Variants in FNBP1L observed in about 807,000 individuals in gnomAD.
FNBP1L encodes the protein formin binding protein 1 like, also known as formin-binding protein 1-like.
In FNBP1L, 36 loss-of-function variants were observed where a neutral mutation model predicts 91.2. That is an observed-to-expected ratio of 0.39 (90% CI 0.30 to 0.52). The LOEUF is 0.52. Among genes scored for constraint, FNBP1L ranks in the 20% least tolerant of loss-of-function variants. The pLI, the probability that FNBP1L is intolerant of heterozygous loss-of-function variation, is 0.66. For synonymous variants in FNBP1L, 242 were observed against 237.0 expected (o/e 1.02, Z -0.19); for missense variants, 571 against 732.1 (o/e 0.78, Z 2.54).
In FNBP1L at chr1:93,552,194, C is replaced by A. The variant is rs1028651170; in HGVS notation, c.1811-215C>A. On this transcript the variant is annotated intron_variant, in intron 16 of 16. Coordinates refer to ENST00000271234, the MANE Select transcript of FNBP1L (RefSeq NM_001164473.3). Reference sequence around the variant, plus strand: ...GGATTGTGCAGTGCTGGTTGTGTGACCACACCCTGAGTCAGTGGTGTGGGG... The same window carrying A: ...GGATTGTGCAGTGCTGGTTGTGTGAACACACCCTGAGTCAGTGGTGTGGGG... 10 of 1,340,336 alleles carry A rather than the reference C, an allele frequency of 7.5e-6. No homozygotes were observed. The African/African-American group carries it at 1.3e-4, about 18-fold the overall frequency. The allele number at this position is 1,340,336 out of a possible 1,614,324, so 83.0% of individuals were successfully genotyped here.
At chr1:93,479,134 C>T (rs917503063) in intron 1 of FNBP1L, among the ~76,000 whole-genome samples, 7 of 152,124 alleles carry the variant, frequency 4.6e-5, no homozygotes, top group African/African-American at 9.7e-5. Flanking sequence ...ACAGCTGGGC[C>T]GCTGGGGGTG....
intron 2 of FNBP1L, among the ~76,000 whole-genome samples, chr1:93,518,262 T>G (rs998567387): frequency 3.9e-5 from 6 of 152,212 alleles, no homozygotes; most frequent in Non-Finnish European, 5.9e-5. Context: ...AACGGCATTC[T>G]AGAGCTCAGT....
chr1:93,449,915 A>C (rs1234101806), intron 1 of FNBP1L, among the ~76,000 whole-genome samples: 2 of 152,108 alleles, frequency 1.3e-5, no homozygotes, highest in Admixed American at 6.5e-5. Flanking sequence ...TATTTTTTTC[A>C]TGCCTACCAG....
At chr1:93,449,703 T>G (rs72721009) in intron 1 of FNBP1L, among the ~76,000 whole-genome samples, 10,248 of 152,228 alleles carry the variant, frequency 0.067, 398 homozygotes, top group South Asian at 0.12. Flanking sequence ...TTCATTCCGT[T>G]TCTTAGATAG....
At chr1:93,479,901 T>C (rs1028410927) in intron 1 of FNBP1L, among the ~76,000 whole-genome samples, 1 of 152,144 alleles carries the variant, frequency 6.6e-6, no homozygotes, top group Admixed American at 6.6e-5. Flanking sequence ...ATCCTCAGCT[T>C]ACGAAGATAA....
chr1:93,551,958 A>G (rs1672428894), intron 16 of FNBP1L: 1 of 987,948 alleles, frequency 1.0e-6, no homozygotes, highest in Non-Finnish European at 1.2e-6. Context: ...AGAAAAATAC[A>G]CATTTGAAGA....
intron 14 of FNBP1L, 29 bp from the exon 15 acceptor site, chr1:93,549,249 T>G (rs911855579): frequency 1.7e-5 from 27 of 1,577,730 alleles, no homozygotes; most frequent in Non-Finnish European, 2.3e-5. Context: ...TTTATGATAC[T>G]TGATCAGAGA....
At chr1:93,491,087 G>A (rs1023421523) in intron 1 of FNBP1L, among the ~76,000 whole-genome samples, 2 of 151,836 alleles carry the variant, frequency 1.3e-5, no homozygotes, top group African/African-American at 4.8e-5. Flanking sequence ...TTACAGGCAT[G>A]GGCCATGATG....
chr1:93,541,198 G>A, intron 11 of FNBP1L, 142 bp downstream of exon 11: 1 of 716,042 alleles, frequency 1.4e-6, no homozygotes, highest in East Asian at 2.7e-5. Flanking sequence ...TCATAGTCCA[G>A]CATATGCCAG....
intron 15 of FNBP1L, 50 bp downstream of exon 15, chr1:93,549,476 G>T (rs551153838): frequency 3.6e-6 from 5 of 1,387,624 alleles, no homozygotes; most frequent in African/African-American, 2.9e-5. Flanking sequence ...TTCTTTAAAA[G>T]TATTTACATC....
intron 11 of FNBP1L, among the ~76,000 whole-genome samples, chr1:93,543,068 A>G (rs1672104837): frequency 6.6e-6 from 1 of 152,170 alleles, no homozygotes; most frequent in African/African-American, 2.4e-5. Flanking sequence ...TGTTGGGATT[A>G]CAGGCGTGAG....
chr1:93,455,155 C>T (rs994502966), intron 1 of FNBP1L, among the ~76,000 whole-genome samples: 1 of 152,152 alleles, frequency 6.6e-6, no homozygotes, highest in African/African-American at 2.4e-5. Flanking sequence ...GTCTCGATCT[C>T]CTGACCTCGT....
At chr1:93,518,653 T>C (rs1269819286) in intron 2 of FNBP1L, among the ~76,000 whole-genome samples, 3 of 152,174 alleles carry the variant, frequency 2.0e-5, no homozygotes, top group Non-Finnish European at 4.4e-5. Flanking sequence ...TAGAGGTACC[T>C]GGGGCAGATG....
chr1:93,545,504 A>G (rs1194317728), intron 12 of FNBP1L, among the ~76,000 whole-genome samples: 1 of 152,170 alleles, frequency 6.6e-6, no homozygotes, highest in Non-Finnish European at 1.5e-5. Flanking sequence ...TATGTGGAAC[A>G]TAATAATAGA....
intron 1 of FNBP1L, among the ~76,000 whole-genome samples, chr1:93,492,958 A>G (rs1053704381): frequency 6.6e-6 from 1 of 152,212 alleles, no homozygotes; most frequent in African/African-American, 2.4e-5. Flanking sequence ...ATATAATCAT[A>G]TGGATTAGAG....
At chr1:93,518,007 A>G (rs1280111926) in intron 2 of FNBP1L, among the ~76,000 whole-genome samples, 1 of 152,302 alleles carries the variant, frequency 6.6e-6, no homozygotes, top group East Asian at 1.9e-4. Context: ...AAGATTGGCA[A>G]GTAATACATG....
At chr1:93,469,526 T>C (rs1669211094) in intron 1 of FNBP1L, among the ~76,000 whole-genome samples, 1 of 152,182 alleles carries the variant, frequency 6.6e-6, no homozygotes, top group African/African-American at 2.4e-5. Context: ...TTTGTTATTG[T>C]GAATAGTGCC....
chr1:93,529,094 G>C (rs1455493810), intron 5 of FNBP1L, among the ~76,000 whole-genome samples: 1 of 151,890 alleles, frequency 6.6e-6, no homozygotes, highest in Non-Finnish European at 1.5e-5. Flanking sequence ...ATATACCCAA[G>C]CTACATTGGA....
intron 2 of FNBP1L, among the ~76,000 whole-genome samples, chr1:93,502,584 CA>C (rs1670473482): frequency 6.6e-6 from 1 of 152,034 alleles, no homozygotes; most frequent in African/African-American, 2.4e-5. Flanking sequence ...CACTTACTTG[CA>C]AAAAAGGGAT....
Sources: allele counts gnomAD v4.1 joint callset (sites outside exome capture counted in the v4.1 genomes callset), GRCh38; gene constraint gnomAD v4.1.1; transcripts MANE v1.5; gene names NCBI Gene and HGNC (gene_info 2026-07-23, HGNC 2026-07-21).